DNAH12: variants seen among roughly 807,000 people sequenced by gnomAD.
DNAH12 encodes dynein axonemal heavy chain 12, also known as axonemal beta dynein heavy chain 12.
DNAH12 carries 285 observed loss-of-function variants against 371.5 expected under a neutral mutation model. The ratio of observed to expected loss-of-function variants is 0.77; its 90% CI spans 0.70 to 0.85. The LOEUF (loss-of-function observed/expected upper bound fraction) is 0.85, where lower values mean the gene tolerates loss of function less well. DNAH12 is among the 40% of genes least tolerant of loss of function. The pLI is 0.00. For missense variants in DNAH12, 3,611 were observed against 3,689.4 expected (o/e 0.98, Z 0.55); for synonymous variants, 1,200 against 1,213.0 (o/e 0.99, Z 0.22).
chr3:57,301,987 T>TA, intron 69 of DNAH12, 48 bp from the exon 70 acceptor site: 3 of 1,518,880 alleles, frequency 2.0e-6, no homozygotes, highest in Non-Finnish European at 2.7e-6. Flanking sequence ...GATATCAACA[T>TA]ACGGTCTTTC....
chr3:57,476,186 A>G (rs1388744766), intron 13 of DNAH12, among the ~76,000 whole-genome samples: 1 of 152,202 alleles, frequency 6.6e-6, no homozygotes, highest in African/African-American at 2.4e-5. Context: ...TATAAAGACC[A>G]AAATCAGAAG....
intron 52 of DNAH12, among the ~76,000 whole-genome samples, chr3:57,377,955 C>T (rs1032178631): frequency 0.019 from 2,929 of 152,166 alleles, 96 homozygotes; most frequent in African/African-American, 0.067. Context: ...TGGTAAATTG[C>T]TGTGAATGAA....
rs546551651 is a variant in DNAH12, at chr3:57,322,989, A to G, written c.10383+18T>C. 12 of 1,550,542 alleles carry G rather than the reference A, an allele frequency of 7.7e-6. No homozygotes were observed. Among genetic ancestry groups the G allele is most frequent in the African/African-American group, 5.5e-5 (4 of 73,052 alleles). On this transcript the variant is annotated intron_variant, in intron 64 of 73. Coordinates refer to ENST00000495027, the MANE Select transcript of DNAH12 (RefSeq NM_001366028.2). Reference sequence around the variant, plus strand: ...TAGCTAAGTAAATGTACTTAACTCTATAAGGAAATAAACATACTTTTGAAG... The same window carrying G: ...TAGCTAAGTAAATGTACTTAACTCTGTAAGGAAATAAACATACTTTTGAAG...
At chr3:57,447,916 C>G (rs1045445089) in intron 25 of DNAH12, among the ~76,000 whole-genome samples, 1 of 152,176 alleles carries the variant, frequency 6.6e-6, no homozygotes, top group African/African-American at 2.4e-5. Context: ...CTCAAGCCAT[C>G]CTCCTGCCTT....
At chr3:57,382,558 C>T (rs993065581) in intron 49 of DNAH12, among the ~76,000 whole-genome samples, 165 bp from the exon 50 acceptor site, 14 of 148,042 alleles carry the variant, frequency 9.5e-5, no homozygotes, top group African/African-American at 3.2e-4. Context: ...AAAGAATTAA[C>T]AAAAGAGAAT....
chr3:57,540,473 G>A (rs921090388), intron 2 of DNAH12, among the ~76,000 whole-genome samples: 1 of 152,190 alleles, frequency 6.6e-6, no homozygotes, highest in African/African-American at 2.4e-5. Flanking sequence ...TCTAGAGGAG[G>A]TGATCCATAA....
chr3:57,408,900 C>T (rs1340939830), intron 39 of DNAH12, among the ~76,000 whole-genome samples: 6 of 152,148 alleles, frequency 3.9e-5, no homozygotes, highest in Non-Finnish European at 8.8e-5. Context: ...GACTATATAT[C>T]TCATTTTACC....
chr3:57,432,977 C>T (rs919208002), intron 32 of DNAH12, among the ~76,000 whole-genome samples: 6 of 151,944 alleles, frequency 3.9e-5, no homozygotes, highest in African/African-American at 1.2e-4. Context: ...CTCATAGCGC[C>T]GAAGGTGATA....
At chr3:57,378,109 C>T (rs1363878242) in intron 52 of DNAH12, among the ~76,000 whole-genome samples, 3 of 152,152 alleles carry the variant, frequency 2.0e-5, no homozygotes, top group African/African-American at 7.2e-5. Flanking sequence ...CTGCTTCTGA[C>T]TTCAGAGAAG....
chr3:57,322,240 C>T, intron 65 of DNAH12, 103 bp downstream of exon 65: 3 of 1,246,902 alleles, frequency 2.4e-6, no homozygotes, highest in Admixed American at 3.2e-5. Flanking sequence ...GTTTTAAAAA[C>T]ATTAAATAAA....
rs2107634675 is a variant in DNAH12 at position 57,293,811 on chromosome 3, C to T, written c.11853G>A (p.Gly3951=). The T allele has an allele frequency of 1.4e-5, 21 of 1,547,916 alleles. No individual in the cohort carries two copies. The highest frequency in any genetic ancestry group is 1.7e-5 in the Non-Finnish European group (20 of 1,145,272). The change falls in exon 74 of 74, where the codon GGG becomes GGA. Residue 3951 remains glycine (G), a synonymous_variant. Transcript: ENST00000495027. ...DQPTRHWIKR[G]VALLCQLDD ...CATCCAACTGACAAAGCAAAGCAACCCCGCGCTTGATCCAGTGCCGAGTAG... is the reference window on the plus strand; with the variant it reads ...CATCCAACTGACAAAGCAAAGCAACTCCGCGCTTGATCCAGTGCCGAGTAG...
At chr3:57,483,969 A>G (rs1013207547) in intron 12 of DNAH12, among the ~76,000 whole-genome samples, 2 of 151,228 alleles carry the variant, frequency 1.3e-5, no homozygotes, top group Non-Finnish European at 2.9e-5. Flanking sequence ...AAAAAAAAAA[A>G]AAGCTTATCT....
In DNAH12 at chr3:57,502,211, T is replaced by G. The variant is rs1007649498; in HGVS notation, c.1243+112A>C. On this transcript the variant is annotated intron_variant, in intron 10 of 73. Coordinates refer to ENST00000495027, the MANE Select transcript of DNAH12 (RefSeq NM_001366028.2). ...TGCCAAAAGCTACGCCTATGCTCAC[T>G]TCTGGCTCTCCCTGTTCTTTCATGG... 5.7e-5 allele frequency: 82 copies of G among 1,432,970 alleles called. No homozygotes were observed. The South Asian group carries it at 1.0e-3, about 18-fold the overall frequency. 88.8% of individuals were successfully genotyped at this position (1,432,970 alleles called of 1,614,324 possible).
At chr3:57,378,359 T>C (rs2063323670) in intron 52 of DNAH12, among the ~76,000 whole-genome samples, 1 of 152,004 alleles carries the variant, frequency 6.6e-6, no homozygotes, top group Admixed American at 6.6e-5. Context: ...AAAGACATCC[T>C]AGATAAAATT....
At chr3:57,481,753 C>T in intron 13 of DNAH12, among the ~76,000 whole-genome samples, 1 of 151,904 alleles carries the variant, frequency 6.6e-6, no homozygotes. Flanking sequence ...ACAGAGGCCT[C>T]AGAAATAATG....
intron 29 of DNAH12, among the ~76,000 whole-genome samples, chr3:57,438,934 G>GAAAAAAAAAAAAAA (rs1559659768): frequency 1.7e-4 from 8 of 48,260 alleles, no homozygotes; most frequent in South Asian, 8.8e-4. Flanking sequence ...AAAAAAAAAG[G>GAAAAAAAAAAAAAA]AAAGCAACTC....
intron 65 of DNAH12, among the ~76,000 whole-genome samples, chr3:57,317,108 T>C (rs965725217): frequency 6.6e-6 from 1 of 152,180 alleles, no homozygotes; most frequent in Non-Finnish European, 1.5e-5. Context: ...TTTGCCCCTT[T>C]CCTCCCTTCC....
intron 40 of DNAH12, 111 bp from the exon 41 acceptor site, chr3:57,406,063 G>C (rs1358413434): frequency 8.3e-7 from 1 of 1,211,334 alleles, no homozygotes; most frequent in Non-Finnish European, 1.1e-6. Flanking sequence ...AGATTATATG[G>C]GCTTGGGCTG....
chr3:57,447,945 G>A (rs1018811536), intron 25 of DNAH12, among the ~76,000 whole-genome samples: 1 of 152,160 alleles, frequency 6.6e-6, no homozygotes, highest in Non-Finnish European at 1.5e-5. Flanking sequence ...AAAGTCCTGG[G>A]ATTATAGGCA....
Sources: gnomAD v4.1 joint callset for allele counts (sites outside exome capture counted in the v4.1 genomes callset) on GRCh38, gnomAD v4.1.1 for gene constraint, MANE v1.5 for transcripts, NCBI Gene and HGNC (gene_info 2026-07-23, HGNC 2026-07-21) for gene names.